PGLYRP4: variants seen among roughly 807,000 people sequenced by gnomAD.
PGLYRP4 encodes the protein peptidoglycan recognition protein 4, also known as PGRP-I-beta.
A neutral mutation model predicts 41.2 loss-of-function variants in PGLYRP4; 39 were observed. The observed-to-expected ratio is 0.95, with a 90% CI of 0.73 to 1.24. The LOEUF is 1.24. Ranked by LOEUF, PGLYRP4 falls within the 50% of genes most tolerant of loss-of-function variation. The pLI, the probability that PGLYRP4 is intolerant of heterozygous loss-of-function variation, is 0.00. For synonymous variants in PGLYRP4, 202 were observed against 186.8 expected, an observed-to-expected ratio of 1.08 and a Z score of -0.66; for missense variants, 467 against 460.7, an observed-to-expected ratio of 1.01 and a Z score of -0.13.
chr1:153,337,222 T>C lies in PGLYRP4; in HGVS notation c.902A>G (p.Asp301Gly), dbSNP rs1231899006. Residue 301 changes from aspartate to glycine, a missense_variant, in exon 8 of 9, where the codon GAT becomes GGT. Asp to Gly is a moderately conservative substitution (Grantham distance 94). Transcript: ENST00000359650. Reference sequence around the variant, plus strand: ...GAAGGTAATGCCCAGGGCAATGTCATCGTAGCCAGGGGTGGAGGAGCCTTG... The same window carrying C: ...GAAGGTAATGCCCAGGGCAATGTCACCGTAGCCAGGGGTGGAGGAGCCTTG... ...NVQGSSTPGY[D>G]DIALGITFMG... is the part of the protein sequence containing the mutation. 1 of 1,613,802 alleles carries C rather than the reference T, an allele frequency of 6.2e-7. No individual in the cohort carries two copies. The highest frequency in any genetic ancestry group is 2.2e-5 in the East Asian group (1 of 44,896).
Position 153,347,926 on chromosome 1 carries a change from G to A in PGLYRP4, c.7C>T (p.Pro3Ser), listed in dbSNP as rs1443572158. Residue 3 changes from proline (P) to serine (S), a missense_variant, in exon 2 of 9, where the codon CCG (proline) becomes TCG (serine). Coordinates refer to ENST00000359650, the MANE Select transcript of PGLYRP4 (RefSeq NM_020393.4). ML[P>S]WLLVFSALGI... ...AGAGCAGAGAAGACAAGAAGCCACGGCAGCATCCCCACGTGGTCCCAGGAC... is the reference window on the plus strand; with the variant it reads ...AGAGCAGAGAAGACAAGAAGCCACGACAGCATCCCCACGTGGTCCCAGGAC... 6.2e-7 allele frequency: 1 copy of A among 1,613,328 alleles called. No homozygotes were observed.
rs1302856666 is a variant in PGLYRP4, at chr1:153,330,719, G to A, written c.*48C>T. The A allele has an allele frequency of 6.5e-7, 1 of 1,542,794 alleles. No individual in the cohort carries two copies. Among genetic ancestry groups the A allele is most frequent in the Admixed American group, 1.7e-5 (1 of 58,552 alleles). ...CAAGCTGGATGGTTAGGACAGGAGAGACCTGACAGGGGAGGGAAAGCAGTC... is the reference window on the plus strand; with the variant it reads ...CAAGCTGGATGGTTAGGACAGGAGAAACCTGACAGGGGAGGGAAAGCAGTC... On this transcript the variant is annotated 3_prime_UTR_variant, in exon 9 of 9. Coordinates refer to ENST00000359650, the MANE Select transcript of PGLYRP4 (RefSeq NM_020393.4).
rs767429190 is a variant in PGLYRP4, at chr1:153,337,221, A to G, written c.903T>C (p.Asp301=). Residue 301 remains aspartate (D), a synonymous_variant, in exon 8 of 9, where the codon GAT becomes GAC. Transcript: ENST00000359650. ...NVQGSSTPGY[D]DIALGITFMG... The stretch of plus-strand genomic sequence containing the variant: ...TGAAGGTAATGCCCAGGGCAATGTC[A>G]TCGTAGCCAGGGGTGGAGGAGCCTT... 1 of 1,613,922 alleles carries G rather than the reference A, an allele frequency of 6.2e-7. No individual in the cohort carries two copies. The highest frequency in any genetic ancestry group is 2.2e-5 in the East Asian group (1 of 44,872).
At chr1:153,347,738 G>A in intron 2 of PGLYRP4, 146 bp downstream of exon 2, 1 of 669,198 alleles carries the variant, frequency 1.5e-6, no homozygotes, top group East Asian at 2.8e-5. Context: ...CTGTCACTCA[G>A]GCTGGAGTGC....
chr1:153,339,338 G>A (rs1380200221), intron 7 of PGLYRP4, among the ~76,000 whole-genome samples: 1 of 152,230 alleles, frequency 6.6e-6, no homozygotes, highest in Non-Finnish European at 1.5e-5. Flanking sequence ...AGGTGTTGGA[G>A]GGAAGGTTTT....
At position 153,346,116 on chromosome 1, in the gene PGLYRP4, T is replaced by A; in HGVS notation, c.125A>T (p.Gln42Leu). ...GLQYLFENIS[Q>L]LTEKGLPTDV... ...ATCCAGTTTACCTTTTTCAGTGAGC[T>A]GGGAGATGTTCTCAAATAGGTACTG... The change falls in exon 3 of 9, where the codon CAG (glutamine) becomes CTG (leucine). Residue 42 changes from glutamine to leucine, a missense_variant. Transcript: ENST00000359650. 6.2e-7 allele frequency: 1 copy of A among 1,612,828 alleles called. No individual in the cohort carries two copies. Among genetic ancestry groups the A allele is most frequent in the Non-Finnish European group, 8.5e-7 (1 of 1,178,798 alleles).
intron 4 of PGLYRP4, among the ~76,000 whole-genome samples, chr1:153,343,754 T>G (rs1242386210): frequency 6.6e-6 from 1 of 152,126 alleles, no homozygotes; most frequent in East Asian, 1.9e-4. Context: ...CACTTTAAAT[T>G]CCAGCTCCCT....
Position 153,341,678 on chromosome 1 carries a change from C to G in PGLYRP4, c.574G>C (p.Gly192Arg), listed in dbSNP as rs1351206037. ...LSSSYVQPLL[G>R]KGENCLAPRQ... ...GGGGCCAGGCAGTTCTCGCCTTTCC[C>G]AAGAAGTGGCTGAACATAACTGGAT... The change falls in exon 6 of 9, where the codon GGG (glycine) becomes CGG (arginine). Residue 192 changes from glycine (G) to arginine (R), a missense_variant. Physicochemically the swap from Gly to Arg is moderately radical, Grantham distance 125 (BLOSUM62 -2). Transcript: ENST00000359650. 6.2e-7 allele frequency: 1 copy of G among 1,613,890 alleles called. No homozygotes were observed. The highest frequency in any genetic ancestry group is 2.2e-5 in the East Asian group (1 of 44,878).
chr1:153,342,994 G>GAAT (rs1660859937), intron 5 of PGLYRP4, 96 bp downstream of exon 5: 1 of 730,588 alleles, frequency 1.4e-6, no homozygotes, highest in African/African-American at 1.8e-5. Context: ...AGAAGGATAA[G>GAAT]ACAGCAGAGT....
chr1:153,337,229 C>T lies in PGLYRP4; in HGVS notation c.895G>A (p.Gly299Ser). Residue 299 changes from glycine to serine, a missense_variant, in exon 8 of 9, where the codon GGC (glycine) becomes AGC (serine). Physicochemically the swap from Gly to Ser is moderately conservative, Grantham distance 56. Coordinates refer to ENST00000359650, the MANE Select transcript of PGLYRP4 (RefSeq NM_020393.4). ...GWNVQGSSTPGYDDIALGITF... is the reference protein window; with the variant it reads ...GWNVQGSSTPSYDDIALGITF... Reference sequence around the variant, plus strand: ...ATGCCCAGGGCAATGTCATCGTAGCCAGGGGTGGAGGAGCCTTGGACATTC... The same window carrying T: ...ATGCCCAGGGCAATGTCATCGTAGCTAGGGGTGGAGGAGCCTTGGACATTC... 6.2e-7 allele frequency: 1 copy of T among 1,613,884 alleles called. No individual in the cohort carries two copies. Among genetic ancestry groups the T allele is most frequent in the Non-Finnish European group, 8.5e-7 (1 of 1,179,876 alleles).
chr1:153,331,073 C>A, intron 8 of PGLYRP4, 128 bp from the exon 9 acceptor site: 5 of 627,496 alleles, frequency 8.0e-6, no homozygotes, highest in African/African-American at 1.8e-5. Flanking sequence ...TAGAGACAGG[C>A]AAAAAAAACA....
chr1:153,344,885 G>C, intron 4 of PGLYRP4: 1 of 288,878 alleles, frequency 3.5e-6, no homozygotes, highest in South Asian at 5.2e-5. Flanking sequence ...TGAGGAAGTC[G>C]TTTGCAATCT....
At chr1:153,346,049 A>G (rs370631136) in intron 3 of PGLYRP4, 53 bp downstream of exon 3, 10 of 1,335,016 alleles carry the variant, frequency 7.5e-6, no homozygotes, top group African/African-American at 7.2e-5. Context: ...TTCCGATCAC[A>G]TGAAAAACCC....
intron 4 of PGLYRP4, among the ~76,000 whole-genome samples, chr1:153,343,912 A>G (rs1326215767): frequency 2.0e-5 from 3 of 152,240 alleles, no homozygotes; most frequent in African/African-American, 7.2e-5. Flanking sequence ...CTTCACCCTC[A>G]TACAATTGGC....
At chr1:153,343,324 A>C in intron 4 of PGLYRP4, 116 bp from the exon 5 acceptor site, 1 of 678,588 alleles carries the variant, frequency 1.5e-6, no homozygotes, top group Non-Finnish European at 2.6e-6. Flanking sequence ...CACTAAAAGG[A>C]ATTTGCATGA....
chr1:153,333,607 A>G (rs1660424837), intron 8 of PGLYRP4, among the ~76,000 whole-genome samples: 1 of 152,146 alleles, frequency 6.6e-6, no homozygotes, highest in African/African-American at 2.4e-5. Context: ...TAAGGACACA[A>G]CAACAACAAC....
chr1:153,338,217 C>T (rs766796595), intron 7 of PGLYRP4, among the ~76,000 whole-genome samples: 22 of 152,216 alleles, frequency 1.4e-4, no homozygotes, highest in Non-Finnish European at 2.5e-4. Flanking sequence ...CCCACTTCAT[C>T]CACTCGTTAA....
In PGLYRP4 at chr1:153,330,678, G is replaced by T; in HGVS notation, c.*89C>A. On this transcript the variant is annotated 3_prime_UTR_variant, in exon 9 of 9. Transcript: ENST00000359650. ...CAGGACTGTGTGGCAGGGGAGGAGG[G>T]CAAAAGGTGTTGAGCCAAGCTGGAT... 1 of 1,133,174 alleles carries T rather than the reference G, an allele frequency of 8.8e-7. No homozygotes were observed. The highest frequency in any genetic ancestry group is 1.3e-6 in the Non-Finnish European group (1 of 773,410). 70.2% of individuals were successfully genotyped at this position (1,133,174 alleles called of 1,614,324 possible). A position where few individuals can be genotyped will look rare whatever the true frequency, so the allele number is the denominator to read the frequency against.
Position 153,337,224 on chromosome 1 carries a change from G to A in PGLYRP4, c.900C>T (p.Tyr300=), listed in dbSNP as rs200381440. Residue 300 remains tyrosine, a synonymous_variant, in exon 8 of 9, where the codon TAC becomes TAT. Transcript: ENST00000359650. The part of the protein sequence containing the change: ...WNVQGSSTPG[Y]DDIALGITFM... ...AGGTAATGCCCAGGGCAATGTCATC[G>A]TAGCCAGGGGTGGAGGAGCCTTGGA... The A allele has an allele frequency of 2.2e-5, 35 of 1,613,730 alleles. No individual in the cohort carries two copies. Among genetic ancestry groups the A allele is most frequent in the African/African-American group, 5.3e-5 (4 of 74,920 alleles).
Sources: gnomAD v4.1 joint callset for allele counts (sites outside exome capture counted in the v4.1 genomes callset) on GRCh38, gnomAD v4.1.1 for gene constraint, MANE v1.5 for transcripts, NCBI Gene and HGNC (gene_info 2026-07-23, HGNC 2026-07-21) for gene names.